TRRAP: variants seen among roughly 807,000 people sequenced by gnomAD.
TRRAP encodes the protein transformation/transcription domain-associated protein.
Under a neutral mutation model 438.8 loss-of-function variants are expected in TRRAP, and 41 were observed. The observed-to-expected ratio is 0.09, with a 90% confidence interval of 0.07 to 0.12. The LOEUF (loss-of-function observed/expected upper bound fraction) is 0.12. Ranked by LOEUF, TRRAP falls within the 10% of genes least tolerant of loss-of-function variation. The pLI, the probability that TRRAP is intolerant of heterozygous loss-of-function variation, is 1.00. For missense variants in TRRAP, 3,122 were observed against 5,055.1 expected (o/e 0.62, Z 11.60); for synonymous variants, 1,994 against 1,962.9 (o/e 1.02, Z -0.42).
intron 3 of TRRAP, among the ~76,000 whole-genome samples, chr7:98,882,512 G>A (rs1249840880): frequency 6.6e-6 from 1 of 151,704 alleles, no homozygotes; most frequent in Non-Finnish European, 1.5e-5. Context: ...ATAGGTGCCT[G>A]CTACCATGCC....
chr7:98,882,363 C>CTTT (rs531239628), intron 3 of TRRAP, among the ~76,000 whole-genome samples: 4 of 138,194 alleles, frequency 2.9e-5, no homozygotes, highest in Non-Finnish European at 4.7e-5. Context: ...TCTTTTCTTT[C>CTTT]TTTTTTTTTT....
intron 30 of TRRAP, among the ~76,000 whole-genome samples, chr7:98,941,871 A>C (rs1380797468): frequency 1.3e-5 from 2 of 152,184 alleles, no homozygotes; most frequent in Non-Finnish European, 2.9e-5. Flanking sequence ...GACTGTAAGG[A>C]CATTAAAGGC....
chr7:98,960,445 C>T (rs1406411978), intron 45 of TRRAP, among the ~76,000 whole-genome samples: 2 of 152,162 alleles, frequency 1.3e-5, no homozygotes, highest in African/African-American at 2.4e-5. Flanking sequence ...TCTATTTGAC[C>T]TCTGCTATGA....
At chr7:98,903,294 G>A in intron 11 of TRRAP, 85 bp from the exon 12 acceptor site, 1 of 1,551,974 alleles carries the variant, frequency 6.4e-7, no homozygotes, top group Non-Finnish European at 8.7e-7. Flanking sequence ...AGGTCTTACT[G>A]AATTTTTAAG....
Position 98,948,202 on chromosome 7 carries a change from T to A in TRRAP, c.4549-19T>A, listed in dbSNP as rs374793353. ...CAAAATTAATCGACCTGTTTATAAT[T>A]TCTGGTTTTCTTGATCAGGAAATGA... On this transcript the variant is annotated intron_variant, in intron 33 of 72. Transcript: ENST00000456197. The surrounding 1 kb of genome is among the most constrained non-coding windows in gnomAD (Gnocchi z 4.9). 3 of 1,613,866 alleles carry A rather than the reference T, an allele frequency of 1.9e-6. No homozygotes were observed. In the South Asian group the frequency reaches 3.3e-5, roughly 18 times the overall value.
rs1214201787 is a variant in TRRAP at position 99,005,278 on chromosome 7, G to C, written c.10683G>C (p.Gln3561His). 6.2e-7 allele frequency: 1 copy of C among 1,614,054 alleles called. No homozygotes were observed. The highest frequency in any genetic ancestry group is 8.5e-7 in the Non-Finnish European group (1 of 1,180,052). ...CACGGCGAGAGGAGCGTGTGTTGCA[G>C]CTGCTGCGTCTGCTGAACCCCTGTT... ...TESRREERVL[Q>H]LLRLLNPCLE... The change falls in exon 69 of 73, where the codon CAG becomes CAC. Residue 3561 changes from glutamine (Q) to histidine (H), a missense_variant. Physicochemically the swap from Gln to His is conservative, Grantham distance 24. Transcript: ENST00000456197. This position sits in a 1 kb window ranked among gnomAD's most constrained non-coding sequence, Gnocchi z 5.1.
chr7:98,967,828 C>T, intron 51 of TRRAP, 130 bp downstream of exon 51: 1 of 811,176 alleles, frequency 1.2e-6, no homozygotes, highest in Non-Finnish European at 1.9e-6. Flanking sequence ...TGCTTCTGAT[C>T]TCCAGGAAGA....
intron 62 of TRRAP, among the ~76,000 whole-genome samples, chr7:98,987,607 A>G (rs569036047): frequency 6.6e-6 from 1 of 152,332 alleles, no homozygotes; most frequent in Admixed American, 6.5e-5. Flanking sequence ...TTTTCTGTGT[A>G]TAAGATCGTG....
chr7:99,004,152 A>T, intron 67 of TRRAP, 38 bp from the exon 68 acceptor site: 1 of 1,587,786 alleles, frequency 6.3e-7, no homozygotes, highest in Non-Finnish European at 8.6e-7. Context: ...ACTGGCCCAG[A>T]TGACTAAAAA....
At chr7:98,949,333 T>A in intron 35 of TRRAP, 84 bp from the exon 36 acceptor site, 1 of 1,354,018 alleles carries the variant, frequency 7.4e-7, no homozygotes, top group Non-Finnish European at 9.6e-7. Flanking sequence ...TTTAAAAGAT[T>A]TAGAAAGATT....
intron 1 of TRRAP, among the ~76,000 whole-genome samples, chr7:98,880,271 T>TTTTTG (rs1795367162): frequency 6.7e-6 from 1 of 149,322 alleles, no homozygotes. Context: ...TGTTTTTTTT[T>TTTTTG]TTTTTTTTCC....
chr7:98,950,222 A>G lies in TRRAP; in HGVS notation c.5294A>G (p.Asp1765Gly). 1 of 1,614,200 alleles carries G rather than the reference A, an allele frequency of 6.2e-7. No individual in the cohort carries two copies. The highest frequency in any genetic ancestry group is 8.5e-7 in the Non-Finnish European group (1 of 1,180,040). Reference sequence around the variant, plus strand: ...CGTGCCCTGTTCTTTCGCTTTGTAGACTTCAACGACCCCAACTTCGGAGAT... The same window carrying G: ...CGTGCCCTGTTCTTTCGCTTTGTAGGCTTCAACGACCCCAACTTCGGAGAT... ...QKRALFFRFV[D>G]FNDPNFGDEL... The change falls in exon 38 of 73, where the codon GAC becomes GGC. Residue 1765 changes from aspartate (D) to glycine (G), a missense_variant. Asp to Gly is a moderately conservative substitution (Grantham distance 94). Transcript: ENST00000456197.
chr7:98,908,736 C>T lies in TRRAP; in HGVS notation c.1124C>T (p.Ala375Val). Residue 375 changes from alanine (A) to valine (V), a missense_variant, in exon 14 of 73, where the codon GCC (alanine) becomes GTC (valine). By Grantham distance (64) the Ala-to-Val change is moderately conservative. This residue lies in a region of TRRAP where 343 missense variants were observed against 564.0 expected (regional missense o/e 0.61). Coordinates refer to ENST00000456197, the MANE Select transcript of TRRAP (RefSeq NM_001375524.1). The surrounding 1 kb of genome is among the most constrained non-coding windows in gnomAD (Gnocchi z 4.1). Reference sequence around the variant, plus strand: ...GAGGTCTCTGCCCGCAGGCCCCTCGCCTACAGCACGCTGGCCGACCTCGTG... The same window carrying T: ...GAGGTCTCTGCCCGCAGGCCCCTCGTCTACAGCACGCTGGCCGACCTCGTG... The part of the protein sequence containing the change: ...YTARETLRPL[A>V]YSTLADLVHH... 6.4e-7 allele frequency: 1 copy of T among 1,550,760 alleles called. No individual in the cohort carries two copies. Among genetic ancestry groups the T allele is most frequent in the Non-Finnish European group, 8.7e-7 (1 of 1,148,914 alleles).
intron 3 of TRRAP, among the ~76,000 whole-genome samples, chr7:98,889,481 A>G (rs1190594899): frequency 2.6e-5 from 4 of 151,902 alleles, no homozygotes; most frequent in Non-Finnish European, 5.9e-5. Context: ...CTACTTCCTA[A>G]GTGGGACCCA....
At chr7:98,901,200 G>A (rs1796451949) in intron 11 of TRRAP, among the ~76,000 whole-genome samples, 1 of 152,264 alleles carries the variant, frequency 6.6e-6, no homozygotes, top group Admixed American at 6.5e-5. Context: ...TCAAGGTTCT[G>A]GTTTCTGGTG....
intron 3 of TRRAP, among the ~76,000 whole-genome samples, chr7:98,886,623 C>A (rs1251430490): frequency 3.9e-5 from 6 of 152,038 alleles, no homozygotes; most frequent in African/African-American, 1.4e-4. Flanking sequence ...ATTCAGATGA[C>A]TGAATTCTTC....
rs548176495 is a variant in TRRAP, at chr7:98,985,832, A to T, written c.9389+788A>T. ...CAGACACAACCATTCCAAAGTGTACAATTTAGTGGGTTTTAGTATATTTAC... is the reference window on the plus strand; with the variant it reads ...CAGACACAACCATTCCAAAGTGTACTATTTAGTGGGTTTTAGTATATTTAC... On this transcript the variant is annotated intron_variant, in intron 62 of 72. Coordinates refer to ENST00000456197, the MANE Select transcript of TRRAP (RefSeq NM_001375524.1). Among the ~76,000 whole-genome samples the T allele has an allele frequency of 1.7e-4, 26 of 152,336 alleles. No individual in the cohort carries two copies. In the South Asian group the frequency reaches 5.4e-3, roughly 32 times the overall value.
In TRRAP at chr7:98,961,342, C is replaced by G. The variant is rs1324520249; in HGVS notation, c.6571C>G (p.Pro2191Ala). 2 of 1,614,196 alleles carry G rather than the reference C, an allele frequency of 1.2e-6. No homozygotes were observed. The highest frequency in any genetic ancestry group is 2.2e-5 in the South Asian group (2 of 91,086). ...CTTCCTGCTAACTGTCCTCCAGTCC[C>G]CAGCCATCCTCAGTAGCTTCAAACC... ...LSFLLTVLQSPAILSSFKPLQ... is the reference protein window; with the variant it reads ...LSFLLTVLQSAAILSSFKPLQ... Residue 2191 changes from proline (P) to alanine (A), a missense_variant, in exon 46 of 73, where the codon CCA becomes GCA. Physicochemically the swap from Pro to Ala is conservative, Grantham distance 27. Coordinates refer to ENST00000456197, the MANE Select transcript of TRRAP (RefSeq NM_001375524.1).
Position 98,993,734 on chromosome 7 carries a change from A to G in TRRAP, c.10044A>G (p.Glu3348=), listed in dbSNP as rs769719515. Residue 3348 remains glutamate, a synonymous_variant, in exon 66 of 73, where the codon GAA becomes GAG. Transcript: ENST00000456197. ...TCTGGTTCAGAGAAAATTGGCATGA[A>G]GAGGTATTTGGCTCTGATCTTGCAC... ...QMVWFRENWH[E]EVLRQLQQGL... The G allele has an allele frequency of 1.8e-5, 29 of 1,614,112 alleles. No individual in the cohort carries two copies. In the Middle Eastern group the frequency reaches 4.9e-4, roughly 27 times the overall value.
Sources: gnomAD v4.1 joint callset for allele counts (sites outside exome capture counted in the v4.1 genomes callset) on GRCh38, gnomAD v4.1.1 for gene constraint, gnomAD v4.1.1 regional missense constraint, Gnocchi (gnomAD v3.1) non-coding constraint, MANE v1.5 for transcripts, NCBI Gene and HGNC (gene_info 2026-07-23, HGNC 2026-07-21) for gene names.